Variants in PYGB observed in about 807,000 individuals in gnomAD.
The protein encoded by PYGB is glycogen phosphorylase, brain form.
Under a neutral mutation model 94.3 loss-of-function variants are expected in PYGB, and 82 were observed. That is an observed-to-expected ratio of 0.87 (90% CI 0.73 to 1.04). The LOEUF (loss-of-function observed/expected upper bound fraction) is 1.04, where lower values mean the gene tolerates loss of function less well. PYGB is among the 50% of genes least tolerant of loss of function. The probability of loss-of-function intolerance (pLI) is 0.00; values close to 1 mark genes in which losing one functional copy is unlikely to be tolerated. For missense variants in PYGB, 1,132 were observed against 1,158.2 expected, an observed-to-expected ratio of 0.98 and a Z score of 0.33; for synonymous variants, 488 against 479.1, an observed-to-expected ratio of 1.02 and a Z score of -0.24.
intron 17 of PYGB, among the ~76,000 whole-genome samples, chr20:25,293,462 T>A (rs1026929850): frequency 6.6e-6 from 1 of 152,210 alleles, no homozygotes; most frequent in Non-Finnish European, 1.5e-5. Context: ...CGGGCCTGAT[T>A]CCAAGCGATA....
At chr20:25,276,311 G>A (rs2088310268) in intron 5 of PYGB, among the ~76,000 whole-genome samples, 1 of 152,170 alleles carries the variant, frequency 6.6e-6, no homozygotes, top group African/African-American at 2.4e-5. Flanking sequence ...AGGGAGGTGG[G>A]GGTTGGTGCT....
intron 5 of PYGB, among the ~76,000 whole-genome samples, chr20:25,275,908 G>A (rs1275268076): frequency 1.3e-5 from 2 of 152,236 alleles, no homozygotes; most frequent in African/African-American, 2.4e-5. Context: ...CGCCTGTGTG[G>A]CTGTCAGAGC....
chr20:25,252,164 G>A (rs2092889929), intron 1 of PYGB, among the ~76,000 whole-genome samples: 2 of 152,226 alleles, frequency 1.3e-5, no homozygotes, highest in South Asian at 4.1e-4. Flanking sequence ...AGCTGATGGT[G>A]GGTGCTGTTT....
chr20:25,287,471 C>A (rs2088427921), intron 14 of PYGB, among the ~76,000 whole-genome samples: 1 of 152,034 alleles, frequency 6.6e-6, no homozygotes, highest in Non-Finnish European at 1.5e-5. Flanking sequence ...AAAGTGAAAC[C>A]CCATCTGTAC....
chr20:25,259,327 G>A lies in PYGB; in HGVS notation c.334G>A (p.Ala112Thr). 6.2e-7 allele frequency: 1 copy of A among 1,607,112 alleles called. No individual in the cohort carries two copies. Among genetic ancestry groups the A allele is most frequent in the Non-Finnish European group, 8.5e-7 (1 of 1,173,638 alleles). ...GGGCCTTCAGAATGCCTGCGATGAAGCCATCTATCAGGTACAGAGCCTCAT... is the reference window on the plus strand; with the variant it reads ...GGGCCTTCAGAATGCCTGCGATGAAACCATCTATCAGGTACAGAGCCTCAT... ...NLGLQNACDE[A>T]IYQLGLDLEE... The change falls in exon 2 of 20, where the codon GCC (alanine) becomes ACC (threonine). Residue 112 changes from alanine to threonine, a missense_variant. By Grantham distance (58) the Ala-to-Thr change is moderately conservative. Coordinates refer to ENST00000216962, the MANE Select transcript of PYGB (RefSeq NM_002862.4).
At chr20:25,256,479 G>C (rs1423185639) in intron 1 of PYGB, among the ~76,000 whole-genome samples, 1 of 148,744 alleles carries the variant, frequency 6.7e-6, no homozygotes, top group Non-Finnish European at 1.5e-5. Flanking sequence ...CTGGGCAACA[G>C]AGCGAAACTC....
chr20:25,261,363 C>T (rs370379875), intron 2 of PYGB, among the ~76,000 whole-genome samples: 1 of 152,204 alleles, frequency 6.6e-6, no homozygotes, highest in Non-Finnish European at 1.5e-5. Flanking sequence ...GATACCCAGG[C>T]AAACAGGGTC....
chr20:25,249,637 T>G (rs1160782344), intron 1 of PYGB, among the ~76,000 whole-genome samples: 1 of 152,258 alleles, frequency 6.6e-6, no homozygotes. Context: ...TCTGGGACAT[T>G]CTTTTTTCTA....
At position 25,248,113 on chromosome 20, in the gene PYGB, A is replaced by T; in HGVS notation, c.-66A>T. ...GCAGCGGCGCCAGAGCAGCTGCACC[A>T]TCCCGGCGTTCGCGTGTGCCGCCGC... On this transcript the variant is annotated 5_prime_UTR_variant, in exon 1 of 20. Transcript: ENST00000216962. The T allele has an allele frequency of 6.7e-7, 1 of 1,490,986 alleles. No homozygotes were observed. The highest frequency in any genetic ancestry group is 1.3e-5 in the South Asian group (1 of 76,044). 92.4% of individuals were successfully genotyped at this position (1,490,986 alleles called of 1,614,324 possible).
At chr20:25,280,015 T>C (rs1336536172) in intron 9 of PYGB, among the ~76,000 whole-genome samples, 2 of 152,212 alleles carry the variant, frequency 1.3e-5, no homozygotes, top group African/African-American at 4.8e-5. Flanking sequence ...TTGTGTCTTA[T>C]TTGTGTGTGT....
At position 25,296,856 on chromosome 20, in the gene PYGB, G is replaced by A. The variant is rs2088554999; in HGVS notation, c.*334G>A. The A allele has an allele frequency of 3.4e-6, 1 of 294,702 alleles. No homozygotes were observed. Among genetic ancestry groups the A allele is most frequent in the African/African-American group, 2.2e-5 (1 of 45,340 alleles). 18.3% of individuals were successfully genotyped at this position (294,702 alleles called of 1,614,324 possible). A position where few individuals can be genotyped will look rare whatever the true frequency, so the allele number is the denominator to read the frequency against. ...CAGAACTTTGCACACATCTTGCTAT[G>A]TATTAGCCGATGTCTTTAGTGTTGA... On this transcript the variant is annotated 3_prime_UTR_variant, in exon 20 of 20. Transcript: ENST00000216962.
At chr20:25,265,592 A>ATTTTTTTTTTTTTTTTTTTTTTTTTGTT in intron 2 of PYGB, among the ~76,000 whole-genome samples, 1 of 119,672 alleles carries the variant, frequency 8.4e-6, no homozygotes, top group Non-Finnish European at 1.7e-5. Context: ...TTGTTGTTGA[A>ATTTTTTTTTTTTTTTTTTTTTTTTTGTT]TTTTTTTTTT....
chr20:25,248,130 TGC>T lies in PYGB; in HGVS notation c.-48_-47del, dbSNP rs753678990. ...GCTGCACCATCCCGGCGTTCGCGTG[TGC>T]CGCCGCTTTCCTCCTCCATCTCTTT... On this transcript the variant is annotated 5_prime_UTR_variant, in exon 1 of 20. Transcript: ENST00000216962. 1 of 1,508,156 alleles carries T rather than the reference TGC, an allele frequency of 6.6e-7. No homozygotes were observed. Among genetic ancestry groups the T allele is most frequent in the Non-Finnish European group, 8.8e-7 (1 of 1,131,898 alleles). 93.4% of individuals were successfully genotyped at this position (1,508,156 alleles called of 1,614,324 possible).
chr20:25,272,735 G>C (rs1434013216), intron 4 of PYGB, among the ~76,000 whole-genome samples: 3 of 152,206 alleles, frequency 2.0e-5, no homozygotes, highest in Non-Finnish European at 4.4e-5. Flanking sequence ...CCTCCGGACA[G>C]CTCTGCCCCA....
intron 8 of PYGB, 59 bp from the exon 9 acceptor site, chr20:25,278,998 A>T (rs559559938): frequency 6.6e-7 from 1 of 1,523,404 alleles, no homozygotes; most frequent in South Asian, 1.2e-5. Flanking sequence ...GTATGCCAAC[A>T]ACCGTGGGTG....
chr20:25,265,427 G>T (rs1184373101), intron 2 of PYGB, among the ~76,000 whole-genome samples: 6 of 151,990 alleles, frequency 3.9e-5, no homozygotes, highest in Admixed American at 3.3e-4. Flanking sequence ...ATTCTAAATG[G>T]GTGTAAAATG....
At chr20:25,274,841 C>G in intron 5 of PYGB, 118 bp downstream of exon 5, 1 of 1,435,602 alleles carries the variant, frequency 7.0e-7, no homozygotes, top group Non-Finnish European at 9.3e-7. Flanking sequence ...CCCTGGAGGA[C>G]TTAAGGTAAA....
chr20:25,290,144 GTATGTCCC>G (rs1202446019), intron 15 of PYGB, among the ~76,000 whole-genome samples: 6 of 152,212 alleles, frequency 3.9e-5, no homozygotes, highest in Non-Finnish European at 7.3e-5. Context: ...GTGTGTCCCA[GTATGTCCC>G]TAGGGACAGT....
chr20:25,267,577 CTG>C (rs1242722174), intron 2 of PYGB, among the ~76,000 whole-genome samples: 1 of 152,184 alleles, frequency 6.6e-6, no homozygotes, highest in Non-Finnish European at 1.5e-5. Flanking sequence ...GTCACCCAGG[CTG>C]GAGTGCAATG....
Sources: allele counts gnomAD v4.1 joint callset (sites outside exome capture counted in the v4.1 genomes callset), GRCh38; gene constraint gnomAD v4.1.1; transcripts MANE v1.5; gene names NCBI Gene and HGNC (gene_info 2026-07-23, HGNC 2026-07-21).